GLYR1: variants seen among roughly 807,000 people sequenced by gnomAD.
The protein encoded by GLYR1 is glyoxylate reductase 1 homolog, also known as cytokine-like nuclear factor N-PAC.
Under a neutral mutation model 72.7 loss-of-function variants are expected in GLYR1, and 21 were observed. That is an observed-to-expected ratio of 0.29 (90% CI 0.20 to 0.42). The LOEUF (loss-of-function observed/expected upper bound fraction) is 0.42, where lower values mean the gene tolerates loss of function less well. GLYR1 is among the 10% of genes least tolerant of loss of function. The probability of loss-of-function intolerance (pLI) is 1.00; values close to 1 mark genes in which losing one functional copy is unlikely to be tolerated. For missense variants in GLYR1, 594 were observed against 712.1 expected (o/e 0.83, Z 1.89); for synonymous variants, 392 against 270.2 (o/e 1.45, Z -4.42).
intron 2 of GLYR1, 83 bp from the exon 3 acceptor site, chr16:4,845,236 A>T: frequency 1.2e-6 from 1 of 867,440 alleles, no homozygotes; most frequent in Non-Finnish European, 1.9e-6. Flanking sequence ...CTACAGTTCT[A>T]CGTTGCTAAG....
intron 3 of GLYR1, among the ~76,000 whole-genome samples, chr16:4,837,209 G>A (rs902996586): frequency 1.2e-4 from 19 of 152,308 alleles, no homozygotes; most frequent in African/African-American, 2.9e-4. Flanking sequence ...ACCGAGGCAG[G>A]TGGATTGAGG....
At chr16:4,832,296 C>T in intron 4 of GLYR1, 75 bp from the exon 5 acceptor site, 1 of 1,566,930 alleles carries the variant, frequency 6.4e-7, no homozygotes, top group South Asian at 1.2e-5. Flanking sequence ...TTACAGGTGC[C>T]ATGTGCTGCT....
chr16:4,810,790 TAAAAGA>T (rs143991977), intron 15 of GLYR1, among the ~76,000 whole-genome samples: 27,558 of 117,142 alleles, frequency 0.24, 2,892 homozygotes, highest in African/African-American at 0.33. Flanking sequence ...TGTCTCAAAA[TAAAAGA>T]AAAAGAAAAA....
At chr16:4,823,149 T>C (rs1285779912) in intron 6 of GLYR1, among the ~76,000 whole-genome samples, 3 of 152,260 alleles carry the variant, frequency 2.0e-5, no homozygotes, top group African/African-American at 2.4e-5. Flanking sequence ...TGTAAAAGAA[T>C]AGATGATTCT....
At chr16:4,824,991 G>C (rs901992346) in intron 5 of GLYR1, among the ~76,000 whole-genome samples, 3 of 152,140 alleles carry the variant, frequency 2.0e-5, no homozygotes, top group Admixed American at 6.6e-5. Flanking sequence ...ACAATGAATG[G>C]GGCTTTACAG....
In GLYR1 at chr16:4,821,556, T is replaced by G. The variant is rs764919556; in HGVS notation, c.723A>C (p.Ile241=). The stretch of plus-strand genomic sequence containing the variant: ...CATGGAGCCTACATACCTCTTCACA[T>G]ATTTTCAACTTCTTCGTGATTGCCT... ...CYQAITKKLK[I]CEEETGSTSI... is the part of the protein sequence containing the mutation. The change falls in exon 8 of 16, where the codon ATA becomes ATC. Residue 241 remains isoleucine (I), a synonymous_variant. Coordinates refer to ENST00000321919, the MANE Select transcript of GLYR1 (RefSeq NM_032569.4). 1 of 1,614,110 alleles carries G rather than the reference T, an allele frequency of 6.2e-7. No homozygotes were observed. Among genetic ancestry groups the G allele is most frequent in the Admixed American group, 1.7e-5 (1 of 60,022 alleles).
chr16:4,811,832 C>T lies in GLYR1; in HGVS notation c.1283-30G>A, dbSNP rs796839531. On this transcript the variant is annotated intron_variant, in intron 13 of 15. Transcript: ENST00000321919. ...CCAGGGTAAAGACTCACGGTCACAG[C>T]CCAAGAATGCCACAGACAGGGCTTC... The T allele has an allele frequency of 5.0e-6, 8 of 1,595,378 alleles. No individual in the cohort carries two copies. The African/African-American group carries it at 9.4e-5, about 19-fold the overall frequency.
intron 13 of GLYR1, 33 bp from the exon 14 acceptor site, chr16:4,811,835 A>G (rs2083337176): frequency 6.3e-7 from 1 of 1,595,134 alleles, no homozygotes; most frequent in African/African-American, 1.3e-5. Context: ...GTCACAGCCC[A>G]AGAATGCCAC....
intron 15 of GLYR1, among the ~76,000 whole-genome samples, chr16:4,805,713 C>T (rs947643232): frequency 2.0e-5 from 3 of 152,096 alleles, no homozygotes; most frequent in Non-Finnish European, 2.9e-5. Flanking sequence ...CGCAGTGGCT[C>T]ATGCCTGTAA....
At chr16:4,818,415 C>A (rs1247562890) in intron 9 of GLYR1, among the ~76,000 whole-genome samples, 1 of 152,144 alleles carries the variant, frequency 6.6e-6, no homozygotes, top group Non-Finnish European at 1.5e-5. Flanking sequence ...CCCCCTCAGC[C>A]TCCTGGGTAG....
At chr16:4,841,089 G>C (rs115531637) in intron 3 of GLYR1, among the ~76,000 whole-genome samples, 1 of 152,248 alleles carries the variant, frequency 6.6e-6, no homozygotes, top group East Asian at 1.9e-4. Context: ...ATTGCATTTA[G>C]CAGTTGCTTT....
intron 15 of GLYR1, 79 bp from the exon 16 acceptor site, chr16:4,805,389 T>C (rs1316075236): frequency 8.0e-6 from 10 of 1,242,850 alleles, no homozygotes; most frequent in East Asian, 2.3e-5. Context: ...GAGGCAGTGG[T>C]GGATGTGGCC....
intron 5 of GLYR1, 35 bp from the exon 6 acceptor site, chr16:4,823,942 A>T (rs1409794404): frequency 6.4e-7 from 1 of 1,552,750 alleles, no homozygotes; most frequent in Non-Finnish European, 8.9e-7. Context: ...TTAAAATCAC[A>T]TTCAAACCCC....
intron 5 of GLYR1, among the ~76,000 whole-genome samples, chr16:4,831,684 T>A (rs185113480): frequency 2.0e-5 from 3 of 152,218 alleles, no homozygotes; most frequent in Non-Finnish European, 2.9e-5. Flanking sequence ...TTTAATTTTT[T>A]AAATAAGATT....
chr16:4,811,590 CA>C (rs2083325597), intron 14 of GLYR1, 32 bp downstream of exon 14: 1 of 1,611,312 alleles, frequency 6.2e-7, no homozygotes, highest in African/African-American at 1.3e-5. Context: ...AATCAAACAC[CA>C]AATGCAAGAA....
chr16:4,819,967 G>T (rs779440621), intron 9 of GLYR1, among the ~76,000 whole-genome samples: 26 of 152,016 alleles, frequency 1.7e-4, no homozygotes, highest in Non-Finnish European at 4.4e-5. Context: ...TCCTTTCTTG[G>T]TGTTCTAGGA....
At chr16:4,809,379 T>C (rs941697849) in intron 15 of GLYR1, among the ~76,000 whole-genome samples, 10 of 151,100 alleles carry the variant, frequency 6.6e-5, no homozygotes, top group East Asian at 2.0e-4. Context: ...TTAGTAGAGA[T>C]AGGGGTTTCA....
intron 10 of GLYR1, among the ~76,000 whole-genome samples, chr16:4,816,554 T>C (rs1402939292): frequency 6.6e-6 from 1 of 152,222 alleles, no homozygotes; most frequent in Non-Finnish European, 1.5e-5. Context: ...TTCTAGTTGG[T>C]ATTCCTTTGA....
intron 15 of GLYR1, among the ~76,000 whole-genome samples, chr16:4,809,213 G>A (rs1325162499): frequency 1.6e-5 from 2 of 121,950 alleles, no homozygotes; most frequent in Non-Finnish European, 1.7e-5. Context: ...TTTTTGCGAT[G>A]GAGTCTCACT....
Sources: gnomAD v4.1 joint callset for allele counts (sites outside exome capture counted in the v4.1 genomes callset) on GRCh38, gnomAD v4.1.1 for gene constraint, MANE v1.5 for transcripts, NCBI Gene and HGNC (gene_info 2026-07-23, HGNC 2026-07-21) for gene names.